Variants in DNAH9 observed in about 807,000 individuals in gnomAD.
DNAH9 encodes the protein dynein axonemal heavy chain 9.
In DNAH9, 345 loss-of-function variants were observed where a neutral mutation model predicts 471.6. That is an observed-to-expected ratio of 0.73 (90% CI 0.67 to 0.80). The LOEUF is 0.80. Among genes scored for constraint, DNAH9 ranks in the 30% least tolerant of loss-of-function variants. DNAH9 has a pLI of 0.00. For synonymous variants in DNAH9, 2,093 were observed against 2,123.6 expected (o/e 0.99, Z 0.40); for missense variants, 5,407 against 5,609.2 (o/e 0.96, Z 1.15).
At position 11,701,140 on chromosome 17, in the gene DNAH9, C is replaced by G; in HGVS notation, c.5044C>G (p.His1682Asp). The G allele has an allele frequency of 6.2e-7, 1 of 1,614,106 alleles. No homozygotes were observed. The highest frequency in any genetic ancestry group is 1.1e-5 in the South Asian group (1 of 91,066). ...CTTTCAGGTAGAAATATGGCTGAAC[C>G]ATGTCCTTGGTCACATGAAGGCCAC... ...CSGQVEIWLN[H>D]VLGHMKATVR... The change falls in exon 24 of 69, where the codon CAT becomes GAT. Residue 1682 changes from histidine (H) to aspartate (D), a missense_variant. Around this residue, in one of 3 missense-constraint regions of DNAH9, gnomAD observed 4,636 missense variants for 4,900.3 expected, o/e 0.95. Coordinates refer to ENST00000262442, the MANE Select transcript of DNAH9 (RefSeq NM_001372.4).
intron 50 of DNAH9, among the ~76,000 whole-genome samples, chr17:11,865,059 G>C (rs1971993501): frequency 6.6e-6 from 1 of 152,078 alleles, no homozygotes; most frequent in East Asian, 1.9e-4. Flanking sequence ...ATTTGAACCT[G>C]TCATTATGAT....
chr17:11,647,766 C>T (rs1292661310), intron 12 of DNAH9, among the ~76,000 whole-genome samples: 2 of 152,166 alleles, frequency 1.3e-5, no homozygotes, highest in South Asian at 2.1e-4. Flanking sequence ...CACTAGATGG[C>T]ATATGGTAAA....
At chr17:11,790,985 T>A (rs975065975) in intron 41 of DNAH9, among the ~76,000 whole-genome samples, 1 of 152,192 alleles carries the variant, frequency 6.6e-6, no homozygotes, top group Non-Finnish European at 1.5e-5. Context: ...CTCACTGATA[T>A]CTGTGTTTTA....
intron 23 of DNAH9, among the ~76,000 whole-genome samples, 155 bp downstream of exon 23, chr17:11,700,038 G>A (rs1340408362): frequency 1.3e-5 from 2 of 152,222 alleles, no homozygotes; most frequent in African/African-American, 4.8e-5. Context: ...TTGAACTGAT[G>A]TTGGAGCAGC....
intron 49 of DNAH9, among the ~76,000 whole-genome samples, chr17:11,844,181 A>G (rs1295861999): frequency 6.7e-6 from 1 of 149,632 alleles, no homozygotes. Context: ...ATGCAGAAAC[A>G]AAGAACTATA....
At chr17:11,934,342 T>G (rs1399709488) in intron 65 of DNAH9, among the ~76,000 whole-genome samples, 1 of 152,092 alleles carries the variant, frequency 6.6e-6, no homozygotes, top group Non-Finnish European at 1.5e-5. Flanking sequence ...CGATTCTTGA[T>G]GATTGGTTCA....
At chr17:11,674,886 G>A (rs2074026165) in intron 17 of DNAH9, among the ~76,000 whole-genome samples, 1 of 152,082 alleles carries the variant, frequency 6.6e-6, no homozygotes, top group Non-Finnish European at 1.5e-5. Flanking sequence ...CTGTAGCTTA[G>A]TAACAAATCT....
chr17:11,808,397 G>A (rs916554401), intron 44 of DNAH9, among the ~76,000 whole-genome samples: 1 of 152,150 alleles, frequency 6.6e-6, no homozygotes, highest in Admixed American at 6.5e-5. Flanking sequence ...AGGTCATTGT[G>A]TCCAGTCCGC....
At chr17:11,698,206 A>ATATATATAATTAATATATTAT in intron 22 of DNAH9, among the ~76,000 whole-genome samples, 1 of 123,228 alleles carries the variant, frequency 8.1e-6, no homozygotes. Flanking sequence ...TAATATATTA[A>ATATATATAATTAATATATTAT]TAATATAATT....
intron 26 of DNAH9, among the ~76,000 whole-genome samples, chr17:11,713,486 C>T (rs1463375949): frequency 6.6e-6 from 1 of 152,020 alleles, no homozygotes; most frequent in African/African-American, 2.4e-5. Context: ...ATACTGCTTT[C>T]CACAATGTTT....
chr17:11,629,841 C>T (rs887910691), intron 7 of DNAH9, among the ~76,000 whole-genome samples: 14 of 152,110 alleles, frequency 9.2e-5, no homozygotes, highest in African/African-American at 3.1e-4. Flanking sequence ...CTAATGACAC[C>T]AGGGTTTCAG....
At chr17:11,611,446 G>T (rs369058549) in intron 3 of DNAH9, among the ~76,000 whole-genome samples, 34 of 152,322 alleles carry the variant, frequency 2.2e-4, no homozygotes, top group Admixed American at 2.2e-3. Flanking sequence ...TCCTGGAGCT[G>T]CCCCTTTGAA....
rs1433347626 is a variant in DNAH9, at chr17:11,623,978, G to A, written c.1350+4197G>A. On this transcript the variant is annotated intron_variant, in intron 6 of 68. Coordinates refer to ENST00000262442, the MANE Select transcript of DNAH9 (RefSeq NM_001372.4). The surrounding 1 kb of genome is among the most constrained non-coding windows in gnomAD (Gnocchi z 4.1). ...TGGGTGCCTGCTAAATGCCAGAGGT[G>A]GGGCTGGCTTGGAAGAAGGGGTATA... is the stretch of plus-strand genomic sequence containing the variant. Among the ~76,000 whole-genome samples the A allele has an allele frequency of 2.6e-5, 4 of 152,136 alleles. No homozygotes were observed. The highest frequency in any genetic ancestry group is 9.7e-5 in the African/African-American group (4 of 41,444).
At chr17:11,675,324 A>G (rs2074032477) in intron 17 of DNAH9, among the ~76,000 whole-genome samples, 1 of 152,162 alleles carries the variant, frequency 6.6e-6, no homozygotes, top group Non-Finnish European at 1.5e-5. Flanking sequence ...AATAATTTTG[A>G]TAATTCATCT....
intron 61 of DNAH9, among the ~76,000 whole-genome samples, chr17:11,918,026 C>T (rs1239339950): frequency 2.0e-5 from 3 of 152,128 alleles, no homozygotes; most frequent in Non-Finnish European, 2.9e-5. Context: ...CCGCCTTTGT[C>T]TTCTACTGTC....
intron 19 of DNAH9, among the ~76,000 whole-genome samples, chr17:11,682,130 G>C (rs541171197): frequency 6.6e-6 from 1 of 152,212 alleles, no homozygotes; most frequent in South Asian, 2.1e-4. Context: ...CCAAATGGCA[G>C]CACATTGCTT....
intron 36 of DNAH9, among the ~76,000 whole-genome samples, chr17:11,766,925 C>T (rs899858304): frequency 8.0e-5 from 12 of 150,724 alleles, no homozygotes; most frequent in African/African-American, 1.5e-4. Flanking sequence ...GCTGAGATCG[C>T]GCCACTGCCC....
intron 67 of DNAH9, among the ~76,000 whole-genome samples, chr17:11,942,896 CTT>C (rs71142257): frequency 7.8e-5 from 10 of 127,892 alleles, no homozygotes; most frequent in Non-Finnish European, 9.6e-5. Flanking sequence ...CTTGTTTTTT[CTT>C]TTTTTTTTTT....
At chr17:11,796,451 A>G (rs900077854) in intron 42 of DNAH9, among the ~76,000 whole-genome samples, 2 of 152,188 alleles carry the variant, frequency 1.3e-5, no homozygotes, top group African/African-American at 4.8e-5. Flanking sequence ...AACTCTTTCC[A>G]GTCCTTTCTT....
Sources: gnomAD v4.1 joint callset for allele counts (sites outside exome capture counted in the v4.1 genomes callset) on GRCh38, gnomAD v4.1.1 for gene constraint, gnomAD v4.1.1 regional missense constraint, Gnocchi (gnomAD v3.1) non-coding constraint, MANE v1.5 for transcripts, NCBI Gene and HGNC (gene_info 2026-07-23, HGNC 2026-07-21) for gene names.